The following FAM193A variants were observed in gnomAD, a reference collection of about 807,000 sequenced individuals.
The protein encoded by FAM193A is family with sequence similarity 193 member A.
A neutral mutation model predicts 126.5 loss-of-function variants in FAM193A; 22 were observed. The observed-to-expected ratio is 0.17, with a 90% CI of 0.12 to 0.25. The LOEUF is 0.25. Among genes scored for constraint, FAM193A ranks in the 10% least tolerant of loss-of-function variants. The pLI, the probability that FAM193A is intolerant of heterozygous loss-of-function variation, is 1.00. For synonymous variants in FAM193A, 761 were observed against 646.8 expected, an observed-to-expected ratio of 1.18 and a Z score of -2.68; for missense variants, 1,675 against 1,672.8, an observed-to-expected ratio of 1.00 and a Z score of -0.02.
chr4:2,613,674 G>T (rs2108948658), intron 2 of FAM193A, among the ~76,000 whole-genome samples: 1 of 151,438 alleles, frequency 6.6e-6, no homozygotes, highest in Admixed American at 6.6e-5. Context: ...GGCTGGTCTC[G>T]AACTCCCGAC....
rs530622190 is a variant in FAM193A, at chr4:2,578,305, C to T, written c.256-17779C>T. Among the ~76,000 whole-genome samples, 11 of 152,050 alleles carry T rather than the reference C, an allele frequency of 7.2e-5. 1 individual carries two copies. The East Asian group carries it at 2.1e-3, about 29-fold the overall frequency. ...TACCCGTGCATTTTTTTTGCATTGC[C>T]TGCTTTATTTTGCTTGTGTTTGAAA... On this transcript the variant is annotated intron_variant, in intron 1 of 20. Transcript: ENST00000637812.
At chr4:2,722,705 C>T (rs1188553943) in intron 20 of FAM193A, among the ~76,000 whole-genome samples, 2 of 152,134 alleles carry the variant, frequency 1.3e-5, no homozygotes, top group African/African-American at 4.8e-5. Context: ...AAGGCAAGAA[C>T]GCTGTTGGGC....
At chr4:2,678,455 C>T (rs903104750) in intron 13 of FAM193A, among the ~76,000 whole-genome samples, 1 of 151,322 alleles carries the variant, frequency 6.6e-6, no homozygotes, top group Admixed American at 6.6e-5. Flanking sequence ...CTCCACCACC[C>T]AGGTTCAAGC....
rs1438966753 is a variant in FAM193A, at chr4:2,631,165, C to G, written c.1034C>G (p.Thr345Ser). 2.5e-6 allele frequency: 4 copies of G among 1,605,280 alleles called. No homozygotes were observed. The highest frequency in any genetic ancestry group is 3.4e-6 in the Non-Finnish European group (4 of 1,175,438). Residue 345 changes from threonine (T) to serine (S), a missense_variant, in exon 5 of 21, where the codon ACT becomes AGT. Thr to Ser is a moderately conservative substitution (Grantham distance 58, BLOSUM62 1). Coordinates refer to ENST00000637812, the MANE Select transcript of FAM193A (RefSeq NM_001366318.2). Reference sequence around the variant, plus strand: ...CGCTCCATCAGCACCTTCCTTGGCACTCTGGTAAGAGAGAAAACGTGTTTT... The same window carrying G: ...CGCTCCATCAGCACCTTCCTTGGCAGTCTGGTAAGAGAGAAAACGTGTTTT... ...AARSISTFLG[T>S]LENEHLKKFQ... is the part of the protein sequence containing the mutation.
intron 1 of FAM193A, among the ~76,000 whole-genome samples, chr4:2,580,672 C>G (rs984393165): frequency 6.6e-6 from 1 of 152,200 alleles, no homozygotes; most frequent in Non-Finnish European, 1.5e-5. Flanking sequence ...CCCCCTCTAT[C>G]TCTGGCTCCT....
intron 13 of FAM193A, among the ~76,000 whole-genome samples, chr4:2,678,856 TATC>T (rs1366617484): frequency 1.3e-5 from 2 of 152,222 alleles, no homozygotes; most frequent in East Asian, 1.9e-4. Flanking sequence ...TGTAAAATCA[TATC>T]ATCTACAAAC....
At chr4:2,701,168 C>A (rs546405044) in intron 19 of FAM193A, among the ~76,000 whole-genome samples, 2 of 151,866 alleles carry the variant, frequency 1.3e-5, no homozygotes, top group African/African-American at 4.8e-5. Context: ...GATAAAGACA[C>A]TTATAAAACC....
At chr4:2,623,088 G>T (rs899366337) in intron 2 of FAM193A, among the ~76,000 whole-genome samples, 3 of 151,888 alleles carry the variant, frequency 2.0e-5, no homozygotes, top group Admixed American at 1.3e-4. Flanking sequence ...TGCTTCCCCA[G>T]CAGGACCTAT....
rs752653214 is a variant in FAM193A at position 2,712,913 on chromosome 4, G to C, written c.4373-3110G>C. On this transcript the variant is annotated intron_variant, in intron 19 of 20. Transcript: ENST00000637812. Reference sequence around the variant, plus strand: ...AGGTCAAGAGTTCAAGACCAGCCTGGCCAAGATGGTGAAACCCCATCTCTA... The same window carrying C: ...AGGTCAAGAGTTCAAGACCAGCCTGCCCAAGATGGTGAAACCCCATCTCTA... Among the ~76,000 whole-genome samples, 161 of 151,972 alleles carry C rather than the reference G, an allele frequency of 1.1e-3. 1 individual carries two copies. Among genetic ancestry groups the C allele is most frequent in the Middle Eastern group, 6.8e-3 (2 of 294 alleles).
intron 1 of FAM193A, among the ~76,000 whole-genome samples, chr4:2,558,656 C>G (rs1303198115): frequency 2.0e-5 from 3 of 152,188 alleles, no homozygotes; most frequent in African/African-American, 7.2e-5. Context: ...TTTGGGATGA[C>G]TGGGATCACA....
At chr4:2,567,347 G>A (rs894490610) in intron 1 of FAM193A, among the ~76,000 whole-genome samples, 8 of 152,182 alleles carry the variant, frequency 5.3e-5, no homozygotes, top group African/African-American at 1.9e-4. Context: ...AGCAAGTGCA[G>A]CCAATGATAT....
intron 12 of FAM193A, among the ~76,000 whole-genome samples, chr4:2,665,372 G>A (rs749860554): frequency 2.6e-5 from 4 of 152,074 alleles, no homozygotes; most frequent in Non-Finnish European, 4.4e-5. Context: ...TTTTGCTGTT[G>A]TTTTGGTAGA....
intron 2 of FAM193A, chr4:2,608,025 C>T: frequency 6.2e-7 from 1 of 1,604,916 alleles, no homozygotes. Flanking sequence ...GTGCACCACG[C>T]ACTTCACGTC....
At chr4:2,595,249 A>G (rs1261594089) in intron 1 of FAM193A, among the ~76,000 whole-genome samples, 1 of 152,104 alleles carries the variant, frequency 6.6e-6, no homozygotes, top group East Asian at 1.9e-4. Flanking sequence ...AAGTCTTGCT[A>G]TGTTACTGAG....
At chr4:2,631,628 C>G (rs1743597778) in intron 5 of FAM193A, among the ~76,000 whole-genome samples, 2 of 152,236 alleles carry the variant, frequency 1.3e-5, no homozygotes, top group Non-Finnish European at 2.9e-5. Flanking sequence ...TTCATTCATT[C>G]ATGCAGGCAT....
intron 5 of FAM193A, among the ~76,000 whole-genome samples, chr4:2,635,768 C>T (rs1296645905): frequency 1.3e-5 from 2 of 152,172 alleles, no homozygotes; most frequent in African/African-American, 4.8e-5. Context: ...GAACTCCTGA[C>T]CTCAGGTGAT....
intron 1 of FAM193A, among the ~76,000 whole-genome samples, chr4:2,547,865 T>C (rs193143893): frequency 1.3e-5 from 2 of 151,634 alleles, no homozygotes; most frequent in East Asian, 3.9e-4. Context: ...ACTTAAGTGA[T>C]CTGCCCACCT....
At chr4:2,608,898 T>G (rs369740706) in intron 2 of FAM193A, among the ~76,000 whole-genome samples, 4 of 151,558 alleles carry the variant, frequency 2.6e-5, no homozygotes, top group African/African-American at 9.7e-5. Context: ...TCACCTTTTT[T>G]TTTTTTTTTT....
chr4:2,672,748 A>C (rs1437775531), intron 13 of FAM193A, among the ~76,000 whole-genome samples: 1 of 152,212 alleles, frequency 6.6e-6, no homozygotes, highest in East Asian at 1.9e-4. Context: ...AAATAATGTG[A>C]ATACAACATG....
Sources: allele counts gnomAD v4.1 joint callset (sites outside exome capture counted in the v4.1 genomes callset), GRCh38; gene constraint gnomAD v4.1.1; transcripts MANE v1.5; gene names NCBI Gene and HGNC (gene_info 2026-07-23, HGNC 2026-07-21).